SAMD11: variants seen among roughly 807,000 people sequenced by gnomAD.
The protein encoded by SAMD11 is sterile alpha motif domain containing 11.
A neutral mutation model predicts 64.4 loss-of-function variants in SAMD11; 77 were observed. That is an observed-to-expected ratio of 1.20 (90% confidence interval 0.99 to 1.44). SAMD11 has a LOEUF of 1.44. Ranked by LOEUF, SAMD11 falls within the 40% of genes most tolerant of loss-of-function variation. The probability of loss-of-function intolerance (pLI) is 0.00; values close to 1 mark genes in which losing one functional copy is unlikely to be tolerated. For synonymous variants in SAMD11, 658 were observed against 421.9 expected, an observed-to-expected ratio of 1.56 and a Z score of -6.86; for missense variants, 1,402 against 943.3, an observed-to-expected ratio of 1.49 and a Z score of -6.37.
intron 5 of SAMD11, among the ~76,000 whole-genome samples, chr1:937,638 G>GA (rs1236040721): frequency 2.6e-5 from 4 of 152,140 alleles, no homozygotes; most frequent in Non-Finnish European, 4.4e-5. Flanking sequence ...GGCTGTGGGG[G>GA]AGACGATGGC....
At chr1:936,022 G>A in intron 5 of SAMD11, 126 bp downstream of exon 5, 2 of 943,486 alleles carry the variant, frequency 2.1e-6, no homozygotes, top group Non-Finnish European at 3.1e-6. Context: ...CTGTCCCCCA[G>A]GGGCTGCATG....
At position 924,031 on chromosome 1, in the gene SAMD11, G is replaced by A. The variant is rs1640776272; in HGVS notation, c.-401G>A. Reference sequence around the variant, plus strand: ...GCGGGGGCTTGGGACCCCCGAGAGGGGCGGGGACTCCGCGACTCCTCGCTG... The same window carrying A: ...GCGGGGGCTTGGGACCCCCGAGAGGAGCGGGGACTCCGCGACTCCTCGCTG... On this transcript the variant is annotated 5_prime_UTR_variant, in exon 1 of 14. Transcript: ENST00000616016. The A allele has an allele frequency of 6.7e-6, 1 of 150,318 alleles. No individual in the cohort carries two copies. Among genetic ancestry groups the A allele is most frequent in the Non-Finnish European group, 1.5e-5 (1 of 67,320 alleles). The allele number at this position is 150,318 out of a possible 1,614,324, so 9.3% of individuals were successfully genotyped here.
At chr1:941,399 G>GC in intron 8 of SAMD11, 93 bp downstream of exon 8, 1 of 1,268,466 alleles carries the variant, frequency 7.9e-7, no homozygotes, top group East Asian at 2.6e-5. Context: ...AGAGTGCCAA[G>GC]CACTGTGTTC....
Position 943,810 on chromosome 1 carries a change from T to C in SAMD11, c.2289+2T>C. 6.2e-7 allele frequency: 1 copy of C among 1,612,616 alleles called. No homozygotes were observed. The highest frequency in any genetic ancestry group is 8.5e-7 in the Non-Finnish European group (1 of 1,179,892). ...CCCGCCCTCAAGATCCGGGCCCAGG[T>C]GAGACGCTGGGGAGTGAGGTCAGGG... is the stretch of plus-strand genomic sequence containing the variant. On this transcript the variant is annotated splice_donor_variant, in intron 13 of 13. Transcript: ENST00000616016. LOFTEE classifies it high-confidence loss of function.
At chr1:942,325 C>T in intron 9 of SAMD11, 74 bp downstream of exon 9, 1 of 1,088,910 alleles carries the variant, frequency 9.2e-7, no homozygotes, top group Non-Finnish European at 1.2e-6. Context: ...CTGTCGGAGC[C>T]GAGACGGACC....
At chr1:942,302 C>T in intron 9 of SAMD11, 51 bp downstream of exon 9, 3 of 1,030,260 alleles carry the variant, frequency 2.9e-6, no homozygotes, top group Non-Finnish European at 3.9e-6. Flanking sequence ...GGCTCGCGGA[C>T]CCGGCCCTGC....
intron 8 of SAMD11, among the ~76,000 whole-genome samples, chr1:941,714 A>C (rs1052436152): frequency 1.3e-5 from 2 of 152,126 alleles, no homozygotes; most frequent in African/African-American, 4.8e-5. Flanking sequence ...TCTCGGGTCC[A>C]GGACACGAGG....
chr1:943,076 CTA>C lies in SAMD11; in HGVS notation c.2053+19_2053+20del, dbSNP rs1260250275. Reference sequence around the variant, plus strand: ...CCACACAGGTGGGCACCCCCACACTCTAGATCCTTCCAGAGGGCACAGGACTG... The same window carrying C: ...CCACACAGGTGGGCACCCCCACACTCGATCCTTCCAGAGGGCACAGGACTG... On this transcript the variant is annotated intron_variant, in intron 11 of 13. Transcript: ENST00000616016. 3.9e-6 allele frequency: 6 copies of C among 1,546,820 alleles called. No individual in the cohort carries two copies. Among genetic ancestry groups the C allele is most frequent in the Non-Finnish European group, 2.6e-6 (3 of 1,147,060 alleles).
intron 8 of SAMD11, among the ~76,000 whole-genome samples, chr1:941,630 C>T (rs951433148): frequency 5.9e-5 from 9 of 152,258 alleles, no homozygotes; most frequent in Admixed American, 3.3e-4. Context: ...GGGGTCCTGG[C>T]TGGCGCTCAA....
intron 7 of SAMD11, 109 bp from the exon 8 acceptor site, chr1:941,035 G>C (rs1005267111): frequency 6.7e-6 from 7 of 1,051,218 alleles, no homozygotes; most frequent in Non-Finnish European, 9.6e-6. Context: ...GGCCGAGCAC[G>C]GCCGAGTGGT....
In SAMD11 at chr1:939,036, G is replaced by A. The variant is rs759350082; in HGVS notation, c.968-4G>A. ...GCAGGTGGGCACTCACTACCCTCCCGCAGGTGACCTGTTGGGCAAGAGGCT... is the reference window on the plus strand; with the variant it reads ...GCAGGTGGGCACTCACTACCCTCCCACAGGTGACCTGTTGGGCAAGAGGCT... On this transcript the variant is annotated splice_polypyrimidine_tract_variant and splice_region_variant and intron_variant, in intron 5 of 13. Transcript: ENST00000616016. 31 of 1,593,852 alleles carry A rather than the reference G, an allele frequency of 1.9e-5. No homozygotes were observed. The highest frequency in any genetic ancestry group is 1.6e-4 in the Middle Eastern group (1 of 6,064).
rs767676393 is a variant in SAMD11 at position 943,256 on chromosome 1, C to G, written c.2057C>G (p.Ala686Gly). The change falls in exon 12 of 14, where the codon GCG (alanine) becomes GGG (glycine). Residue 686 changes from alanine (A) to glycine (G), a missense_variant. Coordinates refer to ENST00000616016, the MANE Select transcript of SAMD11 (RefSeq NM_001385641.1). ...AGTAACACGCCCCACAACTCAGGCG[C>G]GGTAGGGGGACTCTCCATGGATGGG... ...YAVSPYFHTG[A>G]VGGLSMDGEE... 4.3e-6 allele frequency: 7 copies of G among 1,612,824 alleles called. No homozygotes were observed. The highest frequency in any genetic ancestry group is 5.9e-6 in the Non-Finnish European group (7 of 1,179,838).
intron 7 of SAMD11, 160 bp from the exon 8 acceptor site, chr1:940,970 CGTCTCGGCCCTGTG>C (rs1553160036): frequency 9.2e-6 from 5 of 540,910 alleles, no homozygotes; most frequent in Non-Finnish European, 6.4e-6. Context: ...TCTTGTCTGC[CGTCTCGGCCCTGTG>C]GCCGCCCATC....
intron 7 of SAMD11, among the ~76,000 whole-genome samples, chr1:940,805 C>G (rs933502429): frequency 6.6e-6 from 1 of 152,240 alleles, no homozygotes; most frequent in African/African-American, 2.4e-5. Context: ...CTGGCTGGCA[C>G]TTCTGGACTC....
At position 930,366 on chromosome 1, in the gene SAMD11, G is replaced by A. The variant is rs111954410; in HGVS notation, c.791+30G>A. 1.1e-4 allele frequency: 176 copies of A among 1,569,464 alleles called. No homozygotes were observed. In the African/African-American group the frequency reaches 2.0e-3, roughly 18 times the overall value. On this transcript the variant is annotated intron_variant, in intron 3 of 13. Coordinates refer to ENST00000616016, the MANE Select transcript of SAMD11 (RefSeq NM_001385641.1). ...TTGGACCAGGGCCGGACAGGAAGGCGCAAGGCTCAGATGGGGCTGGAGCTT... is the reference window on the plus strand; with the variant it reads ...TTGGACCAGGGCCGGACAGGAAGGCACAAGGCTCAGATGGGGCTGGAGCTT...
At chr1:941,856 G>A (rs914308430) in intron 8 of SAMD11, among the ~76,000 whole-genome samples, 2 of 152,144 alleles carry the variant, frequency 1.3e-5, no homozygotes, top group Middle Eastern at 3.2e-3. Context: ...TTCCCCCGCC[G>A]CTCGGGTCCG....
chr1:928,232 A>G (rs1306313441), intron 2 of SAMD11, among the ~76,000 whole-genome samples: 1 of 152,168 alleles, frequency 6.6e-6, no homozygotes, highest in Non-Finnish European at 1.5e-5. Context: ...CTCTACTAAA[A>G]ATACAAAAAA....
chr1:943,160 C>A, intron 11 of SAMD11, 93 bp from the exon 12 acceptor site: 2 of 1,593,572 alleles, frequency 1.3e-6, no homozygotes, highest in Non-Finnish European at 1.7e-6. Flanking sequence ...AGGCACCCAT[C>A]CCCCACCTCA....
chr1:941,084 CGGGCTGGGGAGGATGA>C (rs1641736704), intron 7 of SAMD11, 44 bp from the exon 8 acceptor site: 2 of 1,458,420 alleles, frequency 1.4e-6, no homozygotes, highest in Non-Finnish European at 9.4e-7. Flanking sequence ...CGCCAGGACG[CGGGCTGGGGAGGATGA>C]GGGCGCATAG....
Sources: gnomAD v4.1 joint callset for allele counts (sites outside exome capture counted in the v4.1 genomes callset) on GRCh38, gnomAD v4.1.1 for gene constraint, MANE v1.5 for transcripts, NCBI Gene and HGNC (gene_info 2026-07-23, HGNC 2026-07-21) for gene names.